TBCEL: variants seen among roughly 807,000 people sequenced by gnomAD.
The protein encoded by TBCEL is tubulin-specific chaperone cofactor E-like protein.
TBCEL carries 15 observed loss-of-function variants against 44.2 expected under a neutral mutation model. The observed-to-expected ratio is 0.34, with a 90% CI of 0.23 to 0.52. The LOEUF (loss-of-function observed/expected upper bound fraction) is 0.52, where lower values mean the gene tolerates loss of function less well. Among genes scored for constraint, TBCEL ranks in the 20% least tolerant of loss-of-function variants. The probability of loss-of-function intolerance (pLI) is 0.95; values close to 1 mark genes in which losing one functional copy is unlikely to be tolerated. For missense variants in TBCEL, 319 were observed against 506.3 expected (o/e 0.63, Z 3.55); for synonymous variants, 171 against 185.4 (o/e 0.92, Z 0.63).
intron 8 of TBCEL, among the ~76,000 whole-genome samples, chr11:121,085,758 G>T (rs187321784): frequency 6.6e-6 from 1 of 151,844 alleles, no homozygotes; most frequent in Non-Finnish European, 1.5e-5. Context: ...CTTCCCCTTG[G>T]GCTTCCCAAG....
chr11:121,040,742 A>G (rs777472914), intron 2 of TBCEL, among the ~76,000 whole-genome samples: 10 of 152,134 alleles, frequency 6.6e-5, no homozygotes, highest in Non-Finnish European at 1.2e-4. Context: ...TTGACAAACT[A>G]TTAGGTCATT....
At chr11:121,067,919 G>C (rs1197099310) in intron 8 of TBCEL, among the ~76,000 whole-genome samples, 1 of 152,226 alleles carries the variant, frequency 6.6e-6, no homozygotes, top group African/African-American at 2.4e-5. Context: ...AAAAACAGTA[G>C]TGTCTACTCT....
intron 1 of TBCEL, among the ~76,000 whole-genome samples, chr11:121,032,986 A>G (rs1421892089): frequency 6.6e-6 from 1 of 152,196 alleles, no homozygotes. Context: ...ACTGGGAGAG[A>G]GGTAGTTTTT....
intron 8 of TBCEL, among the ~76,000 whole-genome samples, chr11:121,064,171 T>TA (rs1176409532): frequency 4.6e-5 from 7 of 152,196 alleles, no homozygotes; most frequent in African/African-American, 1.7e-4. Flanking sequence ...GAATATGAAA[T>TA]AAGAGTTTTG....
intron 8 of TBCEL, among the ~76,000 whole-genome samples, chr11:121,064,896 G>A (rs894859367): frequency 2.0e-5 from 3 of 151,806 alleles, no homozygotes; most frequent in African/African-American, 7.3e-5. Flanking sequence ...GTGCAATCTC[G>A]GCTCATTGCA....
At chr11:121,045,855 A>G (rs1265986200) in intron 3 of TBCEL, 32 bp downstream of exon 3, 1 of 1,525,098 alleles carries the variant, frequency 6.6e-7, no homozygotes, top group Non-Finnish European at 8.8e-7. Context: ...ACACTTATTT[A>G]GTGGAGCTTA....
chr11:121,056,492 TAA>T (rs1047008508), intron 6 of TBCEL, among the ~76,000 whole-genome samples: 1 of 151,814 alleles, frequency 6.6e-6, no homozygotes, highest in African/African-American at 2.4e-5. Context: ...TTCATTTAGG[TAA>T]ATACTAAGGA....
At chr11:121,075,558 A>G (rs1466528373) in intron 8 of TBCEL, among the ~76,000 whole-genome samples, 1 of 152,006 alleles carries the variant, frequency 6.6e-6, no homozygotes, top group Non-Finnish European at 1.5e-5. Context: ...TTAAACTTAT[A>G]GATGAGTTTG....
Position 121,053,825 on chromosome 11 carries a change from A to G in TBCEL, c.455+93A>G, listed in dbSNP as rs115299547. ...TGATCTCCCACGCAAGAAATACTAG[A>G]ACTGCAGATTGAGTGGAGAAAGAGG... On this transcript the variant is annotated intron_variant, in intron 5 of 8. Transcript: ENST00000683345. The G allele has an allele frequency of 1.6e-3, 2,159 of 1,344,972 alleles. 31 individuals are homozygous for G. The African/African-American group carries it at 0.029, about 18-fold the overall frequency. The allele number at this position is 1,344,972 out of a possible 1,614,324, so 83.3% of individuals were successfully genotyped here.
At chr11:121,051,464 A>G (rs954952246) in intron 4 of TBCEL, among the ~76,000 whole-genome samples, 15 of 151,870 alleles carry the variant, frequency 9.9e-5, no homozygotes, top group Admixed American at 7.2e-4. Context: ...TCCAACCTCC[A>G]CAAAGAGGTT....
At chr11:121,025,856 A>G (rs1945037523) in intron 1 of TBCEL, among the ~76,000 whole-genome samples, 1 of 151,848 alleles carries the variant, frequency 6.6e-6, no homozygotes, top group African/African-American at 2.4e-5. Context: ...TTGATCTTTA[A>G]TATCTTGATG....
chr11:121,077,436 T>G lies in TBCEL; in HGVS notation c.957-9342T>G, dbSNP rs568479214. 3.5e-4 allele frequency among the ~76,000 whole-genome samples: 53 copies of G among 152,224 alleles called. No homozygotes were observed. The South Asian group carries it at 0.01, about 29-fold the overall frequency. On this transcript the variant is annotated intron_variant, in intron 8 of 8. Coordinates refer to ENST00000683345, the MANE Select transcript of TBCEL (RefSeq NM_001363644.2). ...ATGGGCATAAAGTTTTTCATAGTAT[T>G]TGCTTATCATAAGCCTTTAATGTCT...
chr11:121,059,506 A>C (rs1945681899), intron 7 of TBCEL, among the ~76,000 whole-genome samples: 1 of 151,994 alleles, frequency 6.6e-6, no homozygotes, highest in South Asian at 2.1e-4. Context: ...CTGGATTTCA[A>C]ATATTTTATA....
At chr11:121,075,102 C>T (rs1347313717) in intron 8 of TBCEL, among the ~76,000 whole-genome samples, 1 of 151,976 alleles carries the variant, frequency 6.6e-6, no homozygotes. Context: ...AAGTTCTGTG[C>T]ACTTTATTGT....
Position 121,087,113 on chromosome 11 carries a change from GA to G in TBCEL, c.*22del, listed in dbSNP as rs1198212351. 2.5e-6 allele frequency: 4 copies of G among 1,601,458 alleles called. No homozygotes were observed. In the Admixed American group the frequency reaches 6.9e-5, roughly 28 times the overall value. ...ACAAAATAACCTCTACCAGCCTTGTGAAAAACATACACATAAGGACTTGTTG... is the reference window on the plus strand; with the variant it reads ...ACAAAATAACCTCTACCAGCCTTGTGAAAACATACACATAAGGACTTGTTG... On this transcript the variant is annotated 3_prime_UTR_variant, in exon 9 of 9. Coordinates refer to ENST00000683345, the MANE Select transcript of TBCEL (RefSeq NM_001363644.2).
At chr11:121,039,304 A>G (rs1467746602) in intron 2 of TBCEL, among the ~76,000 whole-genome samples, 1 of 152,262 alleles carries the variant, frequency 6.6e-6, no homozygotes, top group Non-Finnish European at 1.5e-5. Context: ...AAAATGGCTC[A>G]GGATTCACCT....
intron 8 of TBCEL, among the ~76,000 whole-genome samples, chr11:121,069,106 TCCTTTTGTTAA>T (rs1472536488): frequency 6.6e-6 from 1 of 152,210 alleles, no homozygotes; most frequent in Non-Finnish European, 1.5e-5. Context: ...TCTCTTAACC[TCCTTTTGTTAA>T]TATTTTTCTT....
intron 8 of TBCEL, among the ~76,000 whole-genome samples, chr11:121,069,746 T>C (rs1945890053): frequency 6.6e-6 from 1 of 151,930 alleles, no homozygotes; most frequent in South Asian, 2.1e-4. Context: ...GAGCCAAGAT[T>C]GTGCCGCTGC....
intron 1 of TBCEL, among the ~76,000 whole-genome samples, chr11:121,031,080 C>T (rs1016587075): frequency 2.6e-5 from 4 of 152,096 alleles, no homozygotes; most frequent in African/African-American, 9.7e-5. Context: ...AGGGCTTCTC[C>T]ACACTGCATT....
Sources: gnomAD v4.1 joint callset for allele counts (sites outside exome capture counted in the v4.1 genomes callset) on GRCh38, gnomAD v4.1.1 for gene constraint, MANE v1.5 for transcripts, NCBI Gene and HGNC (gene_info 2026-07-23, HGNC 2026-07-21) for gene names.